The following PLXNA4 variants were observed in gnomAD, a reference collection of about 807,000 sequenced individuals.
PLXNA4 encodes the protein plexin-A4.
Under a neutral mutation model 191.8 loss-of-function variants are expected in PLXNA4, and 44 were observed. The ratio of observed to expected loss-of-function variants is 0.23; its 90% CI spans 0.18 to 0.29. PLXNA4 has a LOEUF of 0.29. PLXNA4 is among the 10% of genes least tolerant of loss of function. PLXNA4 has a pLI of 1.00. For synonymous variants in PLXNA4, 1,082 were observed against 1,009.5 expected, an observed-to-expected ratio of 1.07 and a Z score of -1.36; for missense variants, 1,800 against 2,488.8, an observed-to-expected ratio of 0.72 and a Z score of 5.89.
At chr7:132,628,554 CCT>C (rs1011345619) in intron 2 of PLXNA4, among the ~76,000 whole-genome samples, 4 of 146,016 alleles carry the variant, frequency 2.7e-5, no homozygotes, top group African/African-American at 1.0e-4. Context: ...CTAAAAATGT[CCT>C]CTCTCTCTCT....
chr7:132,220,161 T>C (rs542618834), intron 9 of PLXNA4, among the ~76,000 whole-genome samples: 9 of 152,230 alleles, frequency 5.9e-5, no homozygotes, highest in Non-Finnish European at 1.3e-4. Context: ...GGAACTGTCT[T>C]TTGAGTTCTG....
chr7:132,226,610 G>A (rs1798332464), intron 7 of PLXNA4, among the ~76,000 whole-genome samples: 1 of 151,572 alleles, frequency 6.6e-6, no homozygotes, highest in African/African-American at 2.4e-5. Flanking sequence ...AGGAATCTAG[G>A]AATGCTGCCA....
intron 2 of PLXNA4, among the ~76,000 whole-genome samples, chr7:132,497,778 T>C (rs757358185): frequency 6.6e-6 from 1 of 152,186 alleles, no homozygotes; most frequent in East Asian, 1.9e-4. Context: ...AGTTGACCCC[T>C]GCACCCTGGT....
chr7:132,288,094 A>T (rs905305895), intron 4 of PLXNA4, among the ~76,000 whole-genome samples: 1 of 152,126 alleles, frequency 6.6e-6, no homozygotes, highest in Non-Finnish European at 1.5e-5. Flanking sequence ...TGGGAAAGGC[A>T]TTGCAGAAGG....
chr7:132,130,461 G>A lies in PLXNA4; in HGVS notation c.*18C>T, dbSNP rs10954360. The A allele has an allele frequency of 0.69, 1,112,755 of 1,613,688 alleles. 396,194 individuals carry two copies. Among genetic ancestry groups the A allele is most frequent in the East Asian group, 0.81 (36,513 of 44,832 alleles). Reference sequence around the variant, plus strand: ...GCTTGGTGTGTCCCCCTCCAGGGCGGCCCTGGAAGGACGGTTCTCAGCTGT... The same window carrying A: ...GCTTGGTGTGTCCCCCTCCAGGGCGACCCTGGAAGGACGGTTCTCAGCTGT... On this transcript the variant is annotated 3_prime_UTR_variant, in exon 32 of 32. Transcript: ENST00000321063.
chr7:132,577,705 G>A (rs1321008236), upstream of PLXNA4, among the ~76,000 whole-genome samples: 1 of 152,148 alleles, frequency 6.6e-6, no homozygotes, highest in African/African-American at 2.4e-5. Flanking sequence ...CGGAGCGCAC[G>A]GCGCGCGCTC....
chr7:132,327,269 A>G (rs1325498891), intron 3 of PLXNA4, among the ~76,000 whole-genome samples: 2 of 152,168 alleles, frequency 1.3e-5, no homozygotes, highest in Non-Finnish European at 2.9e-5. Context: ...GGGTCTGCTC[A>G]TGCCTGGAGC....
At chr7:132,384,830 A>G (rs1805053792) in intron 3 of PLXNA4, 1 of 1,153,722 alleles carries the variant, frequency 8.7e-7, no homozygotes, top group Middle Eastern at 3.9e-4. Flanking sequence ...ACAGATGAGC[A>G]TAAGGTTATC....
chr7:132,552,651 G>A (rs4728260), intron 1 of PLXNA4, among the ~76,000 whole-genome samples: 134,709 of 152,248 alleles, frequency 0.88, 60,863 homozygotes, highest in East Asian at 1. Context: ...TACCCGAGCC[G>A]CTGCTCACTG....
intron 3 of PLXNA4, among the ~76,000 whole-genome samples, chr7:132,398,757 T>G (rs1023710983): frequency 6.6e-6 from 1 of 152,216 alleles, no homozygotes; most frequent in African/African-American, 2.4e-5. Context: ...TGGGGACAGA[T>G]GCCGACCTAA....
intron 3 of PLXNA4, among the ~76,000 whole-genome samples, chr7:132,411,848 G>T (rs1794471011): frequency 6.6e-6 from 1 of 152,164 alleles, no homozygotes; most frequent in African/African-American, 2.4e-5. Flanking sequence ...CTTGGAATGT[G>T]AAGGATCCCA....
At chr7:132,300,073 G>A (rs768561394) in intron 3 of PLXNA4, among the ~76,000 whole-genome samples, 1 of 152,200 alleles carries the variant, frequency 6.6e-6, no homozygotes, top group Non-Finnish European at 1.5e-5. Context: ...CCTAGTTACT[G>A]CAGATATTTT....
At chr7:132,202,943 AC>A in intron 11 of PLXNA4, 107 bp from the exon 12 acceptor site, 3 of 1,230,674 alleles carry the variant, frequency 2.4e-6, no homozygotes, top group Non-Finnish European at 3.3e-6. Flanking sequence ...GTGATGGGGC[AC>A]AAAGGCAGTT....
chr7:132,499,791 G>A (rs114599277), intron 2 of PLXNA4, among the ~76,000 whole-genome samples: 2,059 of 152,086 alleles, frequency 0.014, 47 homozygotes, highest in African/African-American at 0.046. Flanking sequence ...GTGTGGGTCT[G>A]GGTAATGTTG....
intron 25 of PLXNA4, among the ~76,000 whole-genome samples, chr7:132,150,437 G>A (rs1646557132): frequency 6.6e-6 from 1 of 152,198 alleles, no homozygotes; most frequent in Admixed American, 6.5e-5. Flanking sequence ...GTATACGGCA[G>A]TGAGCCTCCC....
At chr7:132,470,451 C>G (rs1796891893) in intron 3 of PLXNA4, among the ~76,000 whole-genome samples, 1 of 152,186 alleles carries the variant, frequency 6.6e-6, no homozygotes, top group Admixed American at 6.5e-5. Context: ...ACACCTATCC[C>G]CAATCAGTTT....
chr7:132,168,688 T>G, intron 21 of PLXNA4, 116 bp from the exon 22 acceptor site: 1 of 1,382,928 alleles, frequency 7.2e-7, no homozygotes, highest in Non-Finnish European at 9.5e-7. Context: ...TAAGCCACAG[T>G]CCACCTGGCT....
chr7:132,470,694 G>C (rs1051254952), intron 3 of PLXNA4, among the ~76,000 whole-genome samples: 15 of 152,172 alleles, frequency 9.9e-5, no homozygotes, highest in Non-Finnish European at 1.9e-4. Flanking sequence ...TCCCAGCCTT[G>C]GTCAGAGGGA....
intron 4 of PLXNA4, among the ~76,000 whole-genome samples, chr7:132,296,441 CT>C (rs11386403): frequency 5.7e-4 from 83 of 145,284 alleles, no homozygotes; most frequent in Non-Finnish European, 6.0e-4. Context: ...TTTAATTTCT[CT>C]TTTTTTTTTT....
Sources: gnomAD v4.1 joint callset for allele counts (sites outside exome capture counted in the v4.1 genomes callset) on GRCh38, gnomAD v4.1.1 for gene constraint, MANE v1.5 for transcripts, NCBI Gene and HGNC (gene_info 2026-07-23, HGNC 2026-07-21) for gene names.